Variants in CLEC16A observed in about 807,000 individuals in gnomAD.
CLEC16A encodes the protein protein CLEC16A.
In CLEC16A, 51 loss-of-function variants were observed where a neutral mutation model predicts 109.5. The observed-to-expected ratio is 0.47, with a 90% CI of 0.37 to 0.59. The LOEUF (loss-of-function observed/expected upper bound fraction) is 0.59. Among genes scored for constraint, CLEC16A ranks in the 20% least tolerant of loss-of-function variants. The pLI is 0.00. For synonymous variants in CLEC16A, 673 were observed against 564.2 expected, an observed-to-expected ratio of 1.19 and a Z score of -2.73; for missense variants, 1,339 against 1,394.0, an observed-to-expected ratio of 0.96 and a Z score of 0.63.
At chr16:11,152,614 G>T (rs376759890) in intron 22 of CLEC16A, among the ~76,000 whole-genome samples, 8 of 152,344 alleles carry the variant, frequency 5.3e-5, no homozygotes, top group African/African-American at 1.4e-4. Context: ...GGTGTCTGTA[G>T]ATAGGGTTGT....
chr16:11,048,906 G>A (rs1269404089), intron 17 of CLEC16A, among the ~76,000 whole-genome samples: 3 of 151,746 alleles, frequency 2.0e-5, no homozygotes, highest in Non-Finnish European at 4.4e-5. Flanking sequence ...GGCTTCTATG[G>A]CACTTGACCA....
chr16:10,974,489 A>T (rs555474052), intron 7 of CLEC16A, among the ~76,000 whole-genome samples: 1 of 152,228 alleles, frequency 6.6e-6, no homozygotes, highest in African/African-American at 2.4e-5. Context: ...GCGTTGTAGG[A>T]TTTTTAGCAA....
At chr16:11,162,372 G>A (rs1480412378) in intron 22 of CLEC16A, among the ~76,000 whole-genome samples, 1 of 152,218 alleles carries the variant, frequency 6.6e-6, no homozygotes, top group Non-Finnish European at 1.5e-5. Context: ...TGTTAGGATC[G>A]GGAGCTTGAG....
chr16:10,983,105 C>A, intron 10 of CLEC16A, 114 bp downstream of exon 10: 2 of 623,462 alleles, frequency 3.2e-6, no homozygotes, highest in Non-Finnish European at 5.7e-6. Context: ...AGTGATGATG[C>A]ATAAGCTGGT....
Position 11,032,463 on chromosome 16 carries a change from C to T in CLEC16A, c.1538-7291C>T, listed in dbSNP as rs190052014. On this transcript the variant is annotated intron_variant, in intron 13 of 23. Coordinates refer to ENST00000409790, the MANE Select transcript of CLEC16A (RefSeq NM_015226.3). ...AGGCTTTCTTATCATTCAGCAGATA[C>T]TTGCTGAGCGCTTGCCAGGGCAAGG... Among the ~76,000 whole-genome samples the T allele has an allele frequency of 3.4e-3, 512 of 152,372 alleles. 1 individual carries two copies. The highest frequency in any genetic ancestry group is 0.01 in the Middle Eastern group (3 of 294).
At position 11,076,461 on chromosome 16, in the gene CLEC16A, G is replaced by T. The variant is rs77708896; in HGVS notation, c.2116+15439G>T. On this transcript the variant is annotated intron_variant, in intron 19 of 23. Transcript: ENST00000409790. ...AACGTTGAGTTTCAAGACATCCCTCGCTCCAGCCCACTCTGTGAGCTGTCT... is the reference window on the plus strand; with the variant it reads ...AACGTTGAGTTTCAAGACATCCCTCTCTCCAGCCCACTCTGTGAGCTGTCT... 6.1e-3 allele frequency among the ~76,000 whole-genome samples: 933 copies of T among 152,140 alleles called. 5 individuals are homozygous for T. Among genetic ancestry groups the T allele is most frequent in the Non-Finnish European group, 0.011 (759 of 68,000 alleles).
At chr16:11,060,587 G>C (rs1353727793) in intron 18 of CLEC16A, among the ~76,000 whole-genome samples, 2 of 152,238 alleles carry the variant, frequency 1.3e-5, no homozygotes, top group African/African-American at 4.8e-5. Flanking sequence ...GGGGCTGACT[G>C]CTGGGCAGGG....
chr16:11,162,491 C>T (rs1251232557), intron 22 of CLEC16A, among the ~76,000 whole-genome samples: 3 of 152,136 alleles, frequency 2.0e-5, no homozygotes, highest in Non-Finnish European at 2.9e-5. Flanking sequence ...TTCAGACAAG[C>T]ACAAAAAATA....
intron 13 of CLEC16A, among the ~76,000 whole-genome samples, chr16:11,034,693 GC>G: frequency 6.6e-6 from 1 of 152,334 alleles, no homozygotes; most frequent in East Asian, 1.9e-4. Flanking sequence ...TCTGCTGGAA[GC>G]CAGAATGAGC....
At chr16:11,077,963 A>AGTG (rs1567286441) in intron 19 of CLEC16A, among the ~76,000 whole-genome samples, 39 of 122,216 alleles carry the variant, frequency 3.2e-4, no homozygotes, top group African/African-American at 1.3e-3. Context: ...ACAAAAAAAA[A>AGTG]CGTGTGTGTG....
chr16:11,165,504 A>G (rs1192581774), intron 22 of CLEC16A, among the ~76,000 whole-genome samples: 16 of 152,096 alleles, frequency 1.1e-4, no homozygotes, highest in Admixed American at 1.0e-3. Flanking sequence ...AAAAACATAA[A>G]GAACAAACAT....
At chr16:11,116,932 A>G (rs996398352) in intron 19 of CLEC16A, among the ~76,000 whole-genome samples, 2 of 152,252 alleles carry the variant, frequency 1.3e-5, no homozygotes, top group Non-Finnish European at 2.9e-5. Flanking sequence ...GAGTCAACCC[A>G]GGTGCCCATC....
Position 11,123,449 on chromosome 16 carries a change from G to A in CLEC16A, c.2269-293G>A, listed in dbSNP as rs369509961. ...CCCTTGAAGAGGCTTGTGGGGGTAC[G>A]CTGTTATTCATGAGCTGACCCCAGT... On this transcript the variant is annotated intron_variant, in intron 20 of 23. Coordinates refer to ENST00000409790, the MANE Select transcript of CLEC16A (RefSeq NM_015226.3). 6.6e-5 allele frequency among the ~76,000 whole-genome samples: 10 copies of A among 152,098 alleles called. No individual in the cohort carries two copies. The East Asian group carries it at 1.2e-3, about 18-fold the overall frequency.
At chr16:11,093,122 C>T (rs923010851) in intron 19 of CLEC16A, among the ~76,000 whole-genome samples, 176 of 152,330 alleles carry the variant, frequency 1.2e-3, no homozygotes, top group African/African-American at 4.0e-3. Context: ...AGCCTTTGCA[C>T]CCCCTTCTCA....
intron 1 of CLEC16A, among the ~76,000 whole-genome samples, chr16:10,951,860 TCA>T (rs1268137925): frequency 6.6e-6 from 1 of 152,226 alleles, no homozygotes; most frequent in Non-Finnish European, 1.5e-5. Flanking sequence ...TTGTTATCAC[TCA>T]CACAATTAGG....
chr16:11,006,464 A>G (rs1003049859), intron 11 of CLEC16A, among the ~76,000 whole-genome samples: 1 of 152,102 alleles, frequency 6.6e-6, no homozygotes, highest in South Asian at 2.1e-4. Flanking sequence ...TCTCTTCCAC[A>G]TTATTTCTTC....
chr16:11,013,152 A>G lies in CLEC16A; in HGVS notation c.1304-7041A>G, dbSNP rs577319728. On this transcript the variant is annotated intron_variant, in intron 11 of 23. Transcript: ENST00000409790. ...TGGCGAGAACATGCAGACTCCACATAGACGGTGGCCGGGACTGGGAATCAG... is the reference window on the plus strand; with the variant it reads ...TGGCGAGAACATGCAGACTCCACATGGACGGTGGCCGGGACTGGGAATCAG... Among the ~76,000 whole-genome samples the G allele has an allele frequency of 2.2e-4, 33 of 152,352 alleles. No homozygotes were observed. In the South Asian group the frequency reaches 6.6e-3, roughly 31 times the overall value.
intron 13 of CLEC16A, chr16:11,027,905 A>G: frequency 1.6e-6 from 1 of 612,186 alleles, no homozygotes; most frequent in South Asian, 1.9e-5. Context: ...AGGGTCAAAG[A>G]AAAGACAGTA....
chr16:11,023,631 T>G (rs2046246466), intron 12 of CLEC16A, among the ~76,000 whole-genome samples: 2 of 152,302 alleles, frequency 1.3e-5, no homozygotes, highest in South Asian at 4.1e-4. Flanking sequence ...TTTGCATTTT[T>G]CAATGAAATA....
Sources: gnomAD v4.1 joint callset for allele counts (sites outside exome capture counted in the v4.1 genomes callset) on GRCh38, gnomAD v4.1.1 for gene constraint, MANE v1.5 for transcripts, NCBI Gene and HGNC (gene_info 2026-07-23, HGNC 2026-07-21) for gene names.